FGF13: variants seen among roughly 807,000 people sequenced by gnomAD.
FGF13 encodes the protein fibroblast growth factor 13, also known as fibroblast growth factor homologous factor 2.
Under a neutral mutation model 19.5 loss-of-function variants are expected in FGF13, and 2 were observed. That is an observed-to-expected ratio of 0.10 (90% CI 0.04 to 0.32). The LOEUF (loss-of-function observed/expected upper bound fraction) is 0.32. Ranked by LOEUF, FGF13 falls within the 10% of genes least tolerant of loss-of-function variation. The pLI, the probability that FGF13 is intolerant of heterozygous loss-of-function variation, is 1.00. For missense variants in FGF13, 113 were observed against 192.7 expected (o/e 0.59, Z 2.45); for synonymous variants, 72 against 76.9 (o/e 0.94, Z 0.33).
intron 1 of FGF13, among the ~76,000 whole-genome samples, chrX:139,192,186 C>A (rs2084336093): frequency 8.9e-6 from 1 of 112,161 alleles, no homozygotes; most frequent in South Asian, 3.8e-4. Flanking sequence ...CCCATGAGGA[C>A]ACTGAGAACT....
intron 3 of FGF13, among the ~76,000 whole-genome samples, chrX:138,816,927 T>C (rs766387296): frequency 4.0e-4 from 45 of 112,116 alleles, no homozygotes; most frequent in African/African-American, 1.4e-3. Context: ...AGGACCCCTA[T>C]TGTCATAGTA....
chrX:139,067,106 A>G (rs1303924302), intron 1 of FGF13, among the ~76,000 whole-genome samples: 3 of 111,871 alleles, frequency 2.7e-5, no homozygotes, highest in African/African-American at 9.8e-5. Context: ...AACTCTCAAT[A>G]AACTAGGTAC....
At chrX:138,927,171 C>A (rs1417905710) in intron 1 of FGF13, among the ~76,000 whole-genome samples, 1 of 111,232 alleles carries the variant, frequency 9.0e-6, no homozygotes, top group Non-Finnish European at 1.9e-5. Context: ...CAGAAACAGG[C>A]CAAATTCAAA....
At chrX:138,979,194 G>A (rs773999973) in intron 1 of FGF13, among the ~76,000 whole-genome samples, 1 of 111,880 alleles carries the variant, frequency 8.9e-6, no homozygotes, top group Non-Finnish European at 1.9e-5. Context: ...ACTGGATAAA[G>A]AAATTACAAT....
At chrX:138,701,006 T>G (rs1261146116) in intron 3 of FGF13, among the ~76,000 whole-genome samples, 3 of 112,413 alleles carry the variant, frequency 2.7e-5, no homozygotes, top group African/African-American at 9.7e-5. Context: ...AGTGTAATGC[T>G]GAGTGCCCTA....
chrX:139,103,975 C>T (rs771977817), intron 1 of FGF13, among the ~76,000 whole-genome samples: 10 of 111,433 alleles, frequency 9.0e-5, no homozygotes, highest in Non-Finnish European at 1.5e-4. Flanking sequence ...AGATCTGCCT[C>T]GGCCACTAAG....
rs143520662 is a variant in FGF13 at position 139,053,118 on chromosome X, T to G, written c.-113+150298A>C. On this transcript the variant is annotated intron_variant, in intron 1 of 2. Transcript: ENST00000421460. ...GAACACACGATGTTTGGCTTCCCATTCCTGAGTTACTTTACTTAAGTCTCC... is the reference window on the plus strand; with the variant it reads ...GAACACACGATGTTTGGCTTCCCATGCCTGAGTTACTTTACTTAAGTCTCC... Among the ~76,000 whole-genome samples the G allele has an allele frequency of 3.1e-4, 34 of 110,353 alleles. 1 individual carries two copies. The highest frequency in any genetic ancestry group is 1.1e-3 in the African/African-American group (34 of 30,301).
At chrX:139,085,055 T>C (rs372930765) in intron 1 of FGF13, among the ~76,000 whole-genome samples, 2 of 111,783 alleles carry the variant, frequency 1.8e-5, no homozygotes, top group East Asian at 5.7e-4. Context: ...AAATTAACTA[T>C]AGGCAGGTAT....
At chrX:138,825,854 T>G (rs767283024) in intron 3 of FGF13, among the ~76,000 whole-genome samples, 3 of 111,841 alleles carry the variant, frequency 2.7e-5, no homozygotes, top group Non-Finnish European at 5.6e-5. Context: ...ACCAATAGTG[T>G]ACAAAATTCT....
intron 1 of FGF13, among the ~76,000 whole-genome samples, chrX:138,880,968 A>G (rs916376937): frequency 1.8e-5 from 2 of 111,771 alleles, no homozygotes; most frequent in African/African-American, 6.5e-5. Context: ...AAAAAATGCT[A>G]TTGGAATTTT....
chrX:138,648,877 T>C (rs1194683928), intron 3 of FGF13, among the ~76,000 whole-genome samples: 4 of 111,980 alleles, frequency 3.6e-5, no homozygotes, highest in Admixed American at 1.9e-4. Context: ...CACTTTACCA[T>C]TGATTATTTC....
At chrX:138,716,562 C>T (rs1189523755), upstream of FGF13, 1 of 110,367 alleles carries the variant, frequency 9.1e-6, no homozygotes, top group Non-Finnish European at 1.9e-5. Flanking sequence ...CCCTGGGTGA[C>T]AGAGTAAGAC....
intron 2 of FGF13, among the ~76,000 whole-genome samples, chrX:138,862,798 G>C (rs2091295723): frequency 8.9e-6 from 1 of 112,000 alleles, no homozygotes. Flanking sequence ...TTTGTTCAAG[G>C]TAGAAACAAC....
rs779160161 is a variant in FGF13, at chrX:138,943,375, C to T, written c.-112-78725G>A. Among the ~76,000 whole-genome samples, 21 of 112,412 alleles carry T rather than the reference C, an allele frequency of 1.9e-4. 1 individual carries two copies. The East Asian group carries it at 2.0e-3, about 11-fold the overall frequency. The stretch of plus-strand genomic sequence containing the variant: ...TGCACCCTGCATGTAGGACAGTACA[C>T]GGCAACTAAAGCCCTGCAATTGAGC... On this transcript the variant is annotated intron_variant, in intron 1 of 2. Coordinates refer to the FGF13 transcript ENST00000421460.
chrX:138,843,561 T>C (rs1234505350), intron 3 of FGF13, among the ~76,000 whole-genome samples: 1 of 111,922 alleles, frequency 8.9e-6, no homozygotes, highest in East Asian at 2.8e-4. Context: ...GTATTTTCTG[T>C]CATGACATTC....
At chrX:139,128,478 T>C (rs888777686) in intron 1 of FGF13, among the ~76,000 whole-genome samples, 4 of 112,158 alleles carry the variant, frequency 3.6e-5, no homozygotes, top group Non-Finnish European at 7.5e-5. Context: ...CCATCCTGTC[T>C]GGGGTGCCTG....
chrX:139,073,039 T>A (rs1026641110), intron 1 of FGF13, among the ~76,000 whole-genome samples: 1 of 111,496 alleles, frequency 9.0e-6, no homozygotes, highest in East Asian at 2.8e-4. Context: ...ATCGTATACT[T>A]TCTCTCATTA....
At chrX:138,837,860 C>A (rs2091123452) in intron 3 of FGF13, among the ~76,000 whole-genome samples, 1 of 112,568 alleles carries the variant, frequency 8.9e-6, no homozygotes, top group African/African-American at 3.2e-5. Context: ...TTCTCTGTCC[C>A]AGGGAGTTTT....
At chrX:138,828,588 AT>A (rs1241807206) in intron 3 of FGF13, among the ~76,000 whole-genome samples, 2 of 109,202 alleles carry the variant, frequency 1.8e-5, no homozygotes, top group African/African-American at 3.3e-5. Flanking sequence ...AAAAAAAAAA[AT>A]CTCCATTAAG....
Sources: allele counts gnomAD v4.1 joint callset (sites outside exome capture counted in the v4.1 genomes callset), GRCh38; gene constraint gnomAD v4.1.1; transcripts MANE v1.5; gene names NCBI Gene and HGNC (gene_info 2026-07-23, HGNC 2026-07-21).